Variants in CDH18 observed in about 807,000 individuals in gnomAD.
CDH18 encodes the protein cadherin 18, also known as cadherin-18.
Under a neutral mutation model 67.9 loss-of-function variants are expected in CDH18, and 31 were observed. That is an observed-to-expected ratio of 0.46 (90% CI 0.34 to 0.62). The LOEUF is 0.62. CDH18 is among the 20% of genes least tolerant of loss of function. CDH18 has a pLI of 0.01. For missense variants in CDH18, 890 were observed against 975.5 expected (o/e 0.91, Z 1.17); for synonymous variants, 362 against 347.2 (o/e 1.04, Z -0.48).
intron 2 of CDH18, among the ~76,000 whole-genome samples, chr5:19,862,545 A>C (rs756138485): frequency 9.2e-5 from 14 of 152,180 alleles, no homozygotes; most frequent in Non-Finnish European, 2.1e-4. Flanking sequence ...TCATTTATGA[A>C]ATAGGAGGAT....
At chr5:20,134,467 T>C (rs1749531123) in intron 2 of CDH18, among the ~76,000 whole-genome samples, 1 of 152,190 alleles carries the variant, frequency 6.6e-6, no homozygotes, top group Non-Finnish European at 1.5e-5. Context: ...CATTTTATTT[T>C]GATTCACTTT....
At chr5:20,172,207 T>TATATATATATAC (rs1736809128) in intron 2 of CDH18, among the ~76,000 whole-genome samples, 1 of 65,834 alleles carries the variant, frequency 1.5e-5, no homozygotes, top group Admixed American at 1.7e-4. Context: ...TATATATATA[T>TATATATATATAC]ATATATATAT....
chr5:19,888,568 G>T (rs1327101544), intron 2 of CDH18, among the ~76,000 whole-genome samples: 1 of 151,818 alleles, frequency 6.6e-6, no homozygotes, highest in African/African-American at 2.4e-5. Context: ...TTTGGGGCTG[G>T]TCTATAGAAA....
chr5:20,264,993 G>A (rs551189801), intron 1 of CDH18, among the ~76,000 whole-genome samples: 80 of 152,222 alleles, frequency 5.3e-4, no homozygotes, highest in Non-Finnish European at 9.1e-4. Context: ...GATACAAATT[G>A]ATAATGATAC....
At chr5:20,310,354 A>G (rs1417606858) in intron 1 of CDH18, among the ~76,000 whole-genome samples, 2 of 152,222 alleles carry the variant, frequency 1.3e-5, no homozygotes, top group Non-Finnish European at 2.9e-5. Flanking sequence ...TATAGACTGT[A>G]CTTGTCTCCA....
At chr5:19,615,527 T>C (rs1382785722) in intron 5 of CDH18, among the ~76,000 whole-genome samples, 2 of 152,174 alleles carry the variant, frequency 1.3e-5, no homozygotes, top group East Asian at 3.9e-4. Flanking sequence ...TTGATACTAT[T>C]GATGAGCCTA....
chr5:20,031,261 A>T (rs1739369444), intron 2 of CDH18, among the ~76,000 whole-genome samples: 1 of 152,158 alleles, frequency 6.6e-6, no homozygotes, highest in African/African-American at 2.4e-5. Context: ...AATTTCCATA[A>T]AAACCCAGGA....
At chr5:19,910,756 T>G (rs1791048139) in intron 2 of CDH18, among the ~76,000 whole-genome samples, 1 of 152,088 alleles carries the variant, frequency 6.6e-6, no homozygotes, top group Non-Finnish European at 1.5e-5. Context: ...GGAGATGAAA[T>G]GGGTACCCTA....
At chr5:20,324,465 C>T (rs1012488640) in intron 1 of CDH18, among the ~76,000 whole-genome samples, 2 of 151,990 alleles carry the variant, frequency 1.3e-5, no homozygotes, top group Admixed American at 6.6e-5. Context: ...GGCAGGAACC[C>T]GGGAGGCGGA....
intron 1 of CDH18, among the ~76,000 whole-genome samples, chr5:20,278,462 A>T (rs1210325352): frequency 6.6e-6 from 1 of 152,134 alleles, no homozygotes; most frequent in Non-Finnish European, 1.5e-5. Context: ...GACAAAAAAA[A>T]GCTGAGAAAT....
chr5:19,703,447 G>A (rs1462414316), intron 5 of CDH18, among the ~76,000 whole-genome samples: 1 of 152,128 alleles, frequency 6.6e-6, no homozygotes, highest in Non-Finnish European at 1.5e-5. Context: ...TGACAGAGCA[G>A]GTTTGTTTGC....
chr5:20,274,050 A>T (rs970886119), intron 1 of CDH18, among the ~76,000 whole-genome samples: 5 of 152,132 alleles, frequency 3.3e-5, no homozygotes, highest in African/African-American at 1.2e-4. Context: ...ACAATGAAAG[A>T]AGAAAGTTTC....
chr5:19,617,750 C>A (rs1463409338), intron 5 of CDH18, among the ~76,000 whole-genome samples: 1 of 152,080 alleles, frequency 6.6e-6, no homozygotes, highest in Non-Finnish European at 1.5e-5. Context: ...ATTGTAGGTG[C>A]CCGATTGCCT....
intron 1 of CDH18, among the ~76,000 whole-genome samples, chr5:20,389,366 T>C (rs1643874072): frequency 6.6e-6 from 1 of 152,146 alleles, no homozygotes; most frequent in Admixed American, 6.6e-5. Flanking sequence ...CAGAGACTAG[T>C]ATTGCAACAC....
intron 1 of CDH18, among the ~76,000 whole-genome samples, chr5:20,387,508 T>C (rs1375285965): frequency 6.6e-6 from 1 of 152,184 alleles, no homozygotes; most frequent in Non-Finnish European, 1.5e-5. Context: ...TCATGTCATC[T>C]GCAAACAGGG....
intron 7 of CDH18, among the ~76,000 whole-genome samples, chr5:19,585,398 C>T (rs1032240168): frequency 3.9e-5 from 6 of 152,084 alleles, no homozygotes; most frequent in African/African-American, 9.7e-5. Context: ...TACACAGGAA[C>T]GCCACCACTG....
At chr5:20,307,511 A>G (rs1736577558) in intron 1 of CDH18, among the ~76,000 whole-genome samples, 1 of 152,214 alleles carries the variant, frequency 6.6e-6, no homozygotes, top group Non-Finnish European at 1.5e-5. Context: ...AAGTTAGAAC[A>G]GCACTAGAGA....
intron 2 of CDH18, among the ~76,000 whole-genome samples, chr5:20,076,692 T>C (rs1743971253): frequency 1.3e-5 from 2 of 152,204 alleles, no homozygotes; most frequent in Non-Finnish European, 2.9e-5. Context: ...AACATATTTT[T>C]ACACACCTGA....
At chr5:20,139,474 A>T (rs1750046572) in intron 2 of CDH18, among the ~76,000 whole-genome samples, 1 of 152,226 alleles carries the variant, frequency 6.6e-6, no homozygotes, top group Admixed American at 6.5e-5. Flanking sequence ...ATGGGATCTA[A>T]GTAAACTAAA....
Sources: gnomAD v4.1 joint callset for allele counts (sites outside exome capture counted in the v4.1 genomes callset) on GRCh38, gnomAD v4.1.1 for gene constraint, MANE v1.5 for transcripts, NCBI Gene and HGNC (gene_info 2026-07-23, HGNC 2026-07-21) for gene names.